NALF1: variants seen among roughly 807,000 people sequenced by gnomAD.
The protein encoded by NALF1 is NALCN channel auxiliary factor 1.
A neutral mutation model predicts 48.4 loss-of-function variants in NALF1; 3 were observed. That is an observed-to-expected ratio of 0.06 (90% CI 0.03 to 0.16). The LOEUF (loss-of-function observed/expected upper bound fraction) is 0.16. NALF1 is among the 10% of genes least tolerant of loss of function. NALF1 has a pLI of 1.00. For synonymous variants in NALF1, 262 were observed against 245.7 expected, an observed-to-expected ratio of 1.07 and a Z score of -0.62; for missense variants, 526 against 571.5, an observed-to-expected ratio of 0.92 and a Z score of 0.81.
intron 1 of NALF1, among the ~76,000 whole-genome samples, chr13:107,369,991 G>C (rs1883220491): frequency 6.6e-6 from 1 of 152,118 alleles, no homozygotes; most frequent in Non-Finnish European, 1.5e-5. Flanking sequence ...AATTAACACA[G>C]ATCACCCTGC....
intron 1 of NALF1, among the ~76,000 whole-genome samples, chr13:107,710,842 TA>T (rs1171728754): frequency 6.7e-6 from 1 of 149,936 alleles, no homozygotes; most frequent in Non-Finnish European, 1.5e-5. Context: ...GAGACACGTA[TA>T]AATATACACA....
intron 1 of NALF1, among the ~76,000 whole-genome samples, chr13:107,659,179 A>G (rs1295974716): frequency 2.0e-5 from 3 of 151,462 alleles, no homozygotes; most frequent in Non-Finnish European, 2.9e-5. Context: ...CAGCCTCTTC[A>G]TTGTTTAAGA....
intron 1 of NALF1, among the ~76,000 whole-genome samples, chr13:107,437,677 A>G (rs998129794): frequency 2.0e-5 from 3 of 152,240 alleles, no homozygotes; most frequent in Non-Finnish European, 4.4e-5. Context: ...AGCGAACTCA[A>G]TGGCAGACCA....
intron 1 of NALF1, among the ~76,000 whole-genome samples, chr13:107,236,667 GTCTGTCTATCTATCTATCTATCTATCTA>G (rs1880349814): frequency 8.2e-5 from 10 of 122,406 alleles, no homozygotes; most frequent in East Asian, 3.1e-4. Flanking sequence ...CTATCCATCT[GTCTGTCTATCTATCTATCTATCTATCTA>G]TCTATCTATC....
intron 2 of NALF1, among the ~76,000 whole-genome samples, chr13:107,177,487 T>C (rs1361506495): frequency 6.6e-6 from 1 of 152,226 alleles, no homozygotes; most frequent in African/African-American, 2.4e-5. Flanking sequence ...ATTATCTGAC[T>C]TCAAATTGTA....
At chr13:107,643,712 A>G (rs1880228043) in intron 1 of NALF1, among the ~76,000 whole-genome samples, 1 of 152,114 alleles carries the variant, frequency 6.6e-6, no homozygotes, top group Non-Finnish European at 1.5e-5. Flanking sequence ...GAAAAAATAC[A>G]TTTTCAATTT....
At chr13:107,237,088 GGTT>G (rs1180410428) in intron 1 of NALF1, among the ~76,000 whole-genome samples, 7 of 49,158 alleles carry the variant, frequency 1.4e-4, no homozygotes, top group Non-Finnish European at 3.7e-4. Flanking sequence ...AACTGTATGT[GGTT>G]TTTTTTTTTT....
At chr13:107,542,889 C>A (rs1484280501) in intron 1 of NALF1, among the ~76,000 whole-genome samples, 1 of 151,882 alleles carries the variant, frequency 6.6e-6, no homozygotes, top group Non-Finnish European at 1.5e-5. Flanking sequence ...CATTAGAAAC[C>A]ATGGCATCAA....
At chr13:107,504,440 A>C (rs935356684) in intron 1 of NALF1, among the ~76,000 whole-genome samples, 6 of 152,112 alleles carry the variant, frequency 3.9e-5, no homozygotes, top group African/African-American at 1.2e-4. Flanking sequence ...TTGTCACAAA[A>C]AGTAGCTATG....
intron 1 of NALF1, among the ~76,000 whole-genome samples, chr13:107,839,922 C>G (rs1266092450): frequency 6.6e-6 from 1 of 152,050 alleles, no homozygotes; most frequent in African/African-American, 2.4e-5. Flanking sequence ...TATATAAAAA[C>G]AAGTCACAAA....
chr13:107,190,169 C>T (rs998619786), intron 2 of NALF1, among the ~76,000 whole-genome samples: 1 of 152,164 alleles, frequency 6.6e-6, no homozygotes, highest in African/African-American at 2.4e-5. Context: ...AGGAAATATT[C>T]TAGAACACAG....
chr13:107,625,855 C>T (rs904168104), intron 1 of NALF1, among the ~76,000 whole-genome samples: 4 of 152,086 alleles, frequency 2.6e-5, no homozygotes, highest in Non-Finnish European at 5.9e-5. Flanking sequence ...TCTGAACTGA[C>T]AGGTTGTTCG....
At chr13:107,330,616 T>C (rs79375747) in intron 1 of NALF1, among the ~76,000 whole-genome samples, 1 of 152,328 alleles carries the variant, frequency 6.6e-6, no homozygotes, top group East Asian at 1.9e-4. Context: ...TCACATAAGG[T>C]CTTTTTCACA....
chr13:107,723,634 G>C (rs922372152), intron 1 of NALF1, among the ~76,000 whole-genome samples: 1 of 152,152 alleles, frequency 6.6e-6, no homozygotes, highest in African/African-American at 2.4e-5. Flanking sequence ...ACTGAAACAA[G>C]AAGTGTTTGA....
At chr13:107,553,793 G>A (rs532432001) in intron 1 of NALF1, among the ~76,000 whole-genome samples, 3 of 152,296 alleles carry the variant, frequency 2.0e-5, no homozygotes, top group East Asian at 1.9e-4. Flanking sequence ...AATCCAAGAC[G>A]CGAGTATCTC....
At chr13:107,660,306 G>C (rs1277805499) in intron 1 of NALF1, among the ~76,000 whole-genome samples, 1 of 151,406 alleles carries the variant, frequency 6.6e-6, no homozygotes, top group Admixed American at 6.6e-5. Context: ...GGCATGGTGT[G>C]ACCCTGTAAT....
At chr13:107,333,111 G>A (rs1350157975) in intron 1 of NALF1, among the ~76,000 whole-genome samples, 1 of 152,158 alleles carries the variant, frequency 6.6e-6, no homozygotes, top group Admixed American at 6.5e-5. Context: ...CTCCCAAAGT[G>A]CTGGGATTAC....
At chr13:107,724,315 A>G (rs1376499634) in intron 1 of NALF1, among the ~76,000 whole-genome samples, 1 of 151,874 alleles carries the variant, frequency 6.6e-6, no homozygotes, top group Middle Eastern at 3.4e-3. Context: ...TCATATTGCT[A>G]AAGTTTTACC....
At chr13:107,356,193 C>G (rs1258396493) in intron 1 of NALF1, among the ~76,000 whole-genome samples, 1 of 152,156 alleles carries the variant, frequency 6.6e-6, no homozygotes, top group Non-Finnish European at 1.5e-5. Context: ...GATGTGACCA[C>G]TGCTCTGAAA....
Sources: gnomAD v4.1 joint callset for allele counts (sites outside exome capture counted in the v4.1 genomes callset) on GRCh38, gnomAD v4.1.1 for gene constraint, MANE v1.5 for transcripts, NCBI Gene and HGNC (gene_info 2026-07-23, HGNC 2026-07-21) for gene names.